Variants in ZNF346 observed in about 807,000 individuals in gnomAD.
ZNF346 encodes double-stranded RNA-binding zinc finger protein JAZ.
In ZNF346, 23 loss-of-function variants were observed where a neutral mutation model predicts 33.7. The ratio of observed to expected loss-of-function variants is 0.68; its 90% CI spans 0.49 to 0.97. The LOEUF is 0.97. Among genes scored for constraint, ZNF346 ranks in the 50% least tolerant of loss-of-function variants. ZNF346 has a pLI of 0.00. For missense variants in ZNF346, 340 were observed against 371.1 expected, an observed-to-expected ratio of 0.92 and a Z score of 0.69; for synonymous variants, 134 against 142.4, an observed-to-expected ratio of 0.94 and a Z score of 0.42.
intron 1 of ZNF346, among the ~76,000 whole-genome samples, chr5:177,031,737 A>G (rs1777728417): frequency 6.6e-6 from 1 of 151,998 alleles, no homozygotes; most frequent in African/African-American, 2.4e-5. Context: ...CACATATGTT[A>G]GTATGCTTGA....
rs1316980667 is a variant in ZNF346 at position 177,067,777 on chromosome 5, C to T, written c.*3178C>T. Among the ~76,000 whole-genome samples the T allele has an allele frequency of 6.6e-6, 1 of 152,124 alleles. No individual in the cohort carries two copies. The highest frequency in any genetic ancestry group is 6.6e-5 in the Admixed American group (1 of 15,262). On this transcript the variant is annotated 3_prime_UTR_variant, in exon 7 of 7. Coordinates refer to ENST00000358149, the MANE Select transcript of ZNF346 (RefSeq NM_012279.4). ...GGTTGGAAAGCTAGCATTTCATCTGCATAACAACCTTTGAGCTAAGAGTTA... is the reference window on the plus strand; with the variant it reads ...GGTTGGAAAGCTAGCATTTCATCTGTATAACAACCTTTGAGCTAAGAGTTA...
rs527304088 is a variant in ZNF346, at chr5:177,059,033, C to A, written c.704-3025C>A. Reference sequence around the variant, plus strand: ...TACAGGCATGAGCCATTGTGCCCGGCCTATTTAGGTTTGTTAACAGCTTGT... The same window carrying A: ...TACAGGCATGAGCCATTGTGCCCGGACTATTTAGGTTTGTTAACAGCTTGT... On this transcript the variant is annotated intron_variant, in intron 5 of 6. Transcript: ENST00000358149. 5.3e-5 allele frequency among the ~76,000 whole-genome samples: 8 copies of A among 152,302 alleles called. No individual in the cohort carries two copies. The South Asian group carries it at 1.7e-3, about 32-fold the overall frequency.
chr5:177,042,150 G>T, intron 3 of ZNF346: 1 of 277,862 alleles, frequency 3.6e-6, no homozygotes. Flanking sequence ...TAATGGAGCT[G>T]GTATTACATA....
chr5:177,065,684 G>A lies in ZNF346; in HGVS notation c.*1085G>A, dbSNP rs1783092715. The stretch of plus-strand genomic sequence containing the variant: ...GCTGTGTTTTATGGCCTGGGACTGA[G>A]TCCACACGGATAGATTTTTCCTTGT... On this transcript the variant is annotated 3_prime_UTR_variant, in exon 7 of 7. Transcript: ENST00000358149. 6.6e-6 allele frequency: 1 copy of A among 152,478 alleles called. No individual in the cohort carries two copies. Among genetic ancestry groups the A allele is most frequent in the Non-Finnish European group, 1.5e-5 (1 of 68,022 alleles). The allele number at this position is 152,478 out of a possible 1,614,324, so 9.4% of individuals were successfully genotyped here. A position where few individuals can be genotyped will look rare whatever the true frequency, so the allele number is the denominator to read the frequency against.
intron 4 of ZNF346, among the ~76,000 whole-genome samples, chr5:177,049,046 A>G (rs1188715822): frequency 3.9e-5 from 6 of 151,998 alleles, no homozygotes; most frequent in African/African-American, 1.4e-4. Flanking sequence ...TCAACCTCCC[A>G]AAGTGCTGGG....
chr5:177,049,116 C>G (rs528379963), intron 4 of ZNF346, among the ~76,000 whole-genome samples: 13 of 152,170 alleles, frequency 8.5e-5, no homozygotes, highest in Admixed American at 5.9e-4. Flanking sequence ...CTCAACACCA[C>G]AAACAGAATA....
chr5:177,043,594 C>T (rs1050242153), intron 3 of ZNF346, among the ~76,000 whole-genome samples: 11 of 151,980 alleles, frequency 7.2e-5, no homozygotes, highest in Admixed American at 2.6e-4. Flanking sequence ...GGTGAAACCC[C>T]GTCTCTATAA....
chr5:177,051,866 A>T (rs1212463086), intron 5 of ZNF346: 2 of 152,210 alleles, frequency 1.3e-5, no homozygotes, highest in Admixed American at 1.3e-4. Flanking sequence ...TAACTAAATT[A>T]AAAAATTTTT....
At chr5:177,028,496 T>TTTTATA (rs1554142622) in intron 1 of ZNF346, among the ~76,000 whole-genome samples, 6 of 90,514 alleles carry the variant, frequency 6.6e-5, no homozygotes, top group Admixed American at 3.5e-4. Context: ...TTGTGACGTT[T>TTTTATA]TATATATATA....
intron 1 of ZNF346, among the ~76,000 whole-genome samples, chr5:177,040,537 G>T (rs1039463895): frequency 3.9e-5 from 6 of 152,122 alleles, no homozygotes; most frequent in Admixed American, 2.0e-4. Flanking sequence ...TAGAGACAGG[G>T]TTTCACCATG....
intron 6 of ZNF346, among the ~76,000 whole-genome samples, chr5:177,062,529 C>T (rs1782676902): frequency 6.6e-6 from 1 of 152,192 alleles, no homozygotes; most frequent in Non-Finnish European, 1.5e-5. Flanking sequence ...TGACCAGGCC[C>T]TCTCATTCCT....
intron 4 of ZNF346, among the ~76,000 whole-genome samples, chr5:177,046,661 C>T (rs1780083934): frequency 6.6e-6 from 1 of 152,140 alleles, no homozygotes; most frequent in African/African-American, 2.4e-5. Flanking sequence ...CATAATTTTA[C>T]CATTCACAGA....
intron 1 of ZNF346, among the ~76,000 whole-genome samples, chr5:177,027,162 C>T (rs1014843174): frequency 6.6e-6 from 1 of 151,654 alleles, no homozygotes; most frequent in Non-Finnish European, 1.5e-5. Flanking sequence ...AAGCGATTCT[C>T]GTGCCTCAGC....
At chr5:177,062,845 C>A (rs1782706618) in intron 6 of ZNF346, among the ~76,000 whole-genome samples, 1 of 152,174 alleles carries the variant, frequency 6.6e-6, no homozygotes, top group South Asian at 2.1e-4. Context: ...TACATATAGA[C>A]AACCAGCATT....
At chr5:177,028,496 T>TTATATATATATA (rs150044807) in intron 1 of ZNF346, among the ~76,000 whole-genome samples, 2,535 of 90,424 alleles carry the variant, frequency 0.028, 107 homozygotes, top group South Asian at 0.038. Flanking sequence ...TTGTGACGTT[T>TTATATATATATA]TATATATATA....
chr5:177,046,960 G>A (rs1472980211), intron 4 of ZNF346, among the ~76,000 whole-genome samples: 3 of 151,940 alleles, frequency 2.0e-5, no homozygotes, highest in Non-Finnish European at 4.4e-5. Flanking sequence ...TAATATGTTG[G>A]TGATGTTTTA....
intron 1 of ZNF346, among the ~76,000 whole-genome samples, chr5:177,033,768 C>T (rs1778070564): frequency 6.6e-6 from 1 of 152,088 alleles, no homozygotes; most frequent in Non-Finnish European, 1.5e-5. Flanking sequence ...CGTGATCCAC[C>T]CACCTCGACC....
chr5:177,033,042 GATT>G (rs1777941121), intron 1 of ZNF346, among the ~76,000 whole-genome samples: 1 of 152,172 alleles, frequency 6.6e-6, no homozygotes, highest in Non-Finnish European at 1.5e-5. Context: ...TCCATGGGTA[GATT>G]ATACCCAACC....
At chr5:177,038,256 G>GTTTTTTTTTTTTTTTTTTTTTT (rs748931641) in intron 1 of ZNF346, among the ~76,000 whole-genome samples, 1 of 132,224 alleles carries the variant, frequency 7.6e-6, no homozygotes, top group Non-Finnish European at 1.6e-5. Flanking sequence ...GCCCAACTAC[G>GTTTTTTTTTTTTTTTTTTTTTT]TTTTTTTTTT....
Sources: gnomAD v4.1 joint callset for allele counts (sites outside exome capture counted in the v4.1 genomes callset) on GRCh38, gnomAD v4.1.1 for gene constraint, MANE v1.5 for transcripts, NCBI Gene and HGNC (gene_info 2026-07-23, HGNC 2026-07-21) for gene names.